The following SV2C variants were observed in gnomAD, a reference collection of about 807,000 sequenced individuals.
SV2C encodes the protein synaptic vesicle glycoprotein 2C.
SV2C carries 49 observed loss-of-function variants against 79.7 expected under a neutral mutation model. The ratio of observed to expected loss-of-function variants is 0.61; its 90% CI spans 0.49 to 0.78. The LOEUF (loss-of-function observed/expected upper bound fraction) is 0.78. Among genes scored for constraint, SV2C ranks in the 30% least tolerant of loss-of-function variants. The pLI is 0.00. For synonymous variants in SV2C, 334 were observed against 333.2 expected, an observed-to-expected ratio of 1.00 and a Z score of -0.03; for missense variants, 833 against 912.9, an observed-to-expected ratio of 0.91 and a Z score of 1.13.
chr5:76,115,175 G>A (rs756264816), intron 1 of SV2C, among the ~76,000 whole-genome samples: 10 of 152,180 alleles, frequency 6.6e-5, no homozygotes, highest in East Asian at 1.9e-4. Flanking sequence ...ACAATCGCGC[G>A]TTGGTCCCAC....
At chr5:76,164,721 A>AGTGTATGTGT (rs1742996186) in intron 2 of SV2C, among the ~76,000 whole-genome samples, 1 of 141,794 alleles carries the variant, frequency 7.1e-6, no homozygotes. Flanking sequence ...GATGGAACTC[A>AGTGTATGTGT]GTGTGTGTGT....
At chr5:75,985,007 G>C in the SV2C span, among the ~76,000 whole-genome samples, 2 of 151,938 alleles carry the variant, frequency 1.3e-5, no homozygotes, top group Non-Finnish European at 2.9e-5. Context: ...CTTGAGGCTG[G>C]GTGATTTATA....
At chr5:76,109,785 A>C (rs1748042159) in intron 1 of SV2C, among the ~76,000 whole-genome samples, 1 of 152,186 alleles carries the variant, frequency 6.6e-6, no homozygotes, top group Non-Finnish European at 1.5e-5. Flanking sequence ...GCCAGAGGGA[A>C]CGTGGCTCTG....
At chr5:75,973,392 G>A in the SV2C span, among the ~76,000 whole-genome samples, 12 of 152,080 alleles carry the variant, frequency 7.9e-5, no homozygotes, top group East Asian at 2.1e-3. Flanking sequence ...CTGCTCAGGA[G>A]GCTAAGGTAG....
At chr5:76,061,769 C>G in the SV2C span, among the ~76,000 whole-genome samples, 26 of 152,178 alleles carry the variant, frequency 1.7e-4, no homozygotes, top group African/African-American at 6.3e-4. Flanking sequence ...GGTATAGGAA[C>G]GTGCCCCATA....
the SV2C span, among the ~76,000 whole-genome samples, chr5:75,922,020 C>T: frequency 3.3e-5 from 5 of 151,224 alleles, no homozygotes; most frequent in African/African-American, 4.9e-5. Flanking sequence ...AAGAGATCAT[C>T]GAAAACTGAA....
intron 3 of SV2C, among the ~76,000 whole-genome samples, chr5:76,204,286 TTC>T (rs2112345205): frequency 6.6e-6 from 1 of 152,340 alleles, no homozygotes; most frequent in Non-Finnish European, 1.5e-5. Context: ...AAGAATATTT[TTC>T]ATGCAAGTTA....
At chr5:76,346,589 T>C (rs1005441897) in intron 12 of SV2C, among the ~76,000 whole-genome samples, 4 of 152,212 alleles carry the variant, frequency 2.6e-5, no homozygotes, top group African/African-American at 9.7e-5. Flanking sequence ...GTCAGTACTT[T>C]ATGTTATTTC....
At chr5:75,928,606 A>G in the SV2C span, among the ~76,000 whole-genome samples, 1 of 152,302 alleles carries the variant, frequency 6.6e-6, no homozygotes, top group South Asian at 2.1e-4. Context: ...CCTTAGAAGG[A>G]TATATAATCC....
intron 4 of SV2C, among the ~76,000 whole-genome samples, chr5:76,268,238 A>G (rs1746727854): frequency 6.6e-6 from 1 of 152,096 alleles, no homozygotes; most frequent in African/African-American, 2.4e-5. Flanking sequence ...GGGAGGGGGA[A>G]GGGAAAGTGC....
At chr5:75,973,616 G>C in the SV2C span, among the ~76,000 whole-genome samples, 1 of 152,048 alleles carries the variant, frequency 6.6e-6, no homozygotes, top group Admixed American at 6.6e-5. Context: ...TTTTGAATGA[G>C]TGACATAATA....
chr5:76,234,810 C>T (rs1745562981), intron 4 of SV2C, among the ~76,000 whole-genome samples: 1 of 152,196 alleles, frequency 6.6e-6, no homozygotes, highest in Admixed American at 6.5e-5. Flanking sequence ...AAAAGTGTGG[C>T]CTGTGCTTAC....
chr5:76,069,620 G>A, the SV2C span, among the ~76,000 whole-genome samples: 1 of 152,150 alleles, frequency 6.6e-6, no homozygotes, highest in South Asian at 2.1e-4. Context: ...GTCACACAAG[G>A]ATGAAATGCA....
At chr5:75,901,158 G>A in the SV2C span, among the ~76,000 whole-genome samples, 8 of 152,250 alleles carry the variant, frequency 5.3e-5, no homozygotes, top group East Asian at 1.9e-4. Flanking sequence ...GAGGAGAGTC[G>A]CTCTGCTTTT....
At chr5:75,964,999 G>A in the SV2C span, among the ~76,000 whole-genome samples, 1 of 152,128 alleles carries the variant, frequency 6.6e-6, no homozygotes. Context: ...TACTGGTAGA[G>A]CCCAATATGA....
the SV2C span, among the ~76,000 whole-genome samples, chr5:76,038,055 A>G: frequency 3.5e-4 from 53 of 152,204 alleles, no homozygotes; most frequent in Middle Eastern, 3.4e-3. Context: ...GAACTCCCTG[A>G]CCCCTTGCAC....
chr5:75,970,241 CT>C, the SV2C span, among the ~76,000 whole-genome samples: 1 of 152,024 alleles, frequency 6.6e-6, no homozygotes, highest in Non-Finnish European at 1.5e-5. Flanking sequence ...AAAATTGACA[CT>C]CTAAAATCAC....
At chr5:75,884,647 T>G in the SV2C span, among the ~76,000 whole-genome samples, 1 of 151,442 alleles carries the variant, frequency 6.6e-6, no homozygotes, top group Non-Finnish European at 1.5e-5. Context: ...GAAGAGGAGG[T>G]TTTGAATGTT....
chr5:76,124,660 C>A (rs1249390414), intron 1 of SV2C, among the ~76,000 whole-genome samples: 3 of 152,160 alleles, frequency 2.0e-5, no homozygotes, highest in African/African-American at 7.2e-5. Context: ...TATGGTAATT[C>A]TATTTTTATG....
Sources: allele counts gnomAD v4.1 joint callset (sites outside exome capture counted in the v4.1 genomes callset), GRCh38; gene constraint gnomAD v4.1.1; transcripts MANE v1.5; gene names NCBI Gene and HGNC (gene_info 2026-07-23, HGNC 2026-07-21).